SYT3: variants seen among roughly 807,000 people sequenced by gnomAD.
The protein encoded by SYT3 is synaptotagmin-3.
Under a neutral mutation model 50.6 loss-of-function variants are expected in SYT3, and 25 were observed. That is an observed-to-expected ratio of 0.49 (90% CI 0.36 to 0.69). SYT3 has a LOEUF of 0.69. SYT3 is among the 30% of genes least tolerant of loss of function. The probability of loss-of-function intolerance (pLI) is 0.00; values close to 1 mark genes in which losing one functional copy is unlikely to be tolerated. For synonymous variants in SYT3, 323 were observed against 353.9 expected (o/e 0.91, Z 0.98); for missense variants, 589 against 793.6 (o/e 0.74, Z 3.10).
chr19:50,639,803 T>TGCCGCCGCTGCCGCCGCCGCC lies in SYT3; in HGVS notation c.-188_-168dup, dbSNP rs1984619314. Reference sequence around the variant, plus strand: ...GAGCGGACTCACCCGGAGCCGCCGCTGCCGCCGCTGCCGCCGCCGCCGCCG... The same window carrying TGCCGCCGCTGCCGCCGCCGCC: ...GAGCGGACTCACCCGGAGCCGCCGCTGCCGCCGCTGCCGCCGCCGCCGCCGCCGCTGCCGCCGCCGCCGCCG... On this transcript the variant is annotated 5_prime_UTR_variant, in exon 1 of 11. Transcript: ENST00000600079. The surrounding 1 kb of genome is among the most constrained non-coding windows in gnomAD (Gnocchi z 4.6). The TGCCGCCGCTGCCGCCGCCGCC allele has an allele frequency of 4.6e-4, 3 of 6,472 alleles. No homozygotes were observed. Among genetic ancestry groups the TGCCGCCGCTGCCGCCGCCGCC allele is most frequent in the South Asian group, 3.2e-3 (2 of 626 alleles). 0.4% of individuals were successfully genotyped at this position (6,472 alleles called of 1,614,324 possible). A position where few individuals can be genotyped will look rare whatever the true frequency, so the allele number is the denominator to read the frequency against.
intron 9 of SYT3, among the ~76,000 whole-genome samples, chr19:50,623,176 C>T (rs1050369590): frequency 6.6e-6 from 1 of 151,872 alleles, no homozygotes; most frequent in African/African-American, 2.4e-5. Flanking sequence ...GACTCTGTGC[C>T]ACCAGCGTTG....
At chr19:50,644,299 G>T (rs1027117217), upstream of SYT3, among the ~76,000 whole-genome samples, 32 of 152,308 alleles carry the variant, frequency 2.1e-4, 1 homozygote, top group African/African-American at 7.7e-4. Flanking sequence ...TGAGTGAATG[G>T]CTGGATGGAT....
rs1421585576 is a variant in SYT3 at position 50,637,571 on chromosome 19, A to G, written c.-15-145T>C. ...GACAGAGATTAGGGGCAGATGGATT[A>G]GGGATGGAGATTCGAGGAAGAAGGA... On this transcript the variant is annotated intron_variant, in intron 2 of 10. Coordinates refer to ENST00000600079, the MANE Select transcript of SYT3 (RefSeq NM_001160329.2). The surrounding 1 kb of genome is among the most constrained non-coding windows in gnomAD (Gnocchi z 4.9). The G allele has an allele frequency of 4.7e-6, 3 of 638,226 alleles. No homozygotes were observed. Among genetic ancestry groups the G allele is most frequent in the Non-Finnish European group, 7.9e-6 (3 of 382,090 alleles). The allele number at this position is 638,226 out of a possible 1,614,324, so 39.5% of individuals were successfully genotyped here. A position where few individuals can be genotyped will look rare whatever the true frequency, so the allele number is the denominator to read the frequency against.
At chr19:50,656,993 AAGGG>A in the SYT3 span, among the ~76,000 whole-genome samples, 2 of 127,064 alleles carry the variant, frequency 1.6e-5, no homozygotes, top group Non-Finnish European at 3.4e-5. Context: ...GGAAGGAAGG[AAGGG>A]AGGGAGGGAA....
At chr19:50,655,068 A>C in the SYT3 span, among the ~76,000 whole-genome samples, 294 of 152,268 alleles carry the variant, frequency 1.9e-3, 3 homozygotes, top group African/African-American at 6.8e-3. Context: ...AATGACTCCA[A>C]AGTTACACCT....
Position 50,625,771 on chromosome 19 carries a change from GACCCA to G in SYT3, c.1402+121_1402+125del. ...CAGGCCCCTGGCCCCTCCTCCCTCA[GACCCA>G]GGAGTCCAGATCCCCAGCTCCTCCT... On this transcript the variant is annotated intron_variant, in intron 7 of 10. Coordinates refer to ENST00000600079, the MANE Select transcript of SYT3 (RefSeq NM_001160329.2). The surrounding 1 kb of genome is among the most constrained non-coding windows in gnomAD (Gnocchi z 7.5). 1.5e-5 allele frequency: 10 copies of G among 684,602 alleles called. 1 individual carries two copies. Among genetic ancestry groups the G allele is most frequent in the Non-Finnish European group, 2.1e-5 (9 of 422,746 alleles). 42.4% of individuals were successfully genotyped at this position (684,602 alleles called of 1,614,324 possible). A position where few individuals can be genotyped will look rare whatever the true frequency, so the allele number is the denominator to read the frequency against.
intron 9 of SYT3, chr19:50,624,928 C>A: frequency 2.5e-6 from 1 of 406,840 alleles, no homozygotes; most frequent in Non-Finnish European, 4.3e-6. Flanking sequence ...GCACATCTCA[C>A]CTCTATCCTA....
In SYT3 at chr19:50,629,790, C is replaced by G. The variant is rs768865820; in HGVS notation, c.1056G>C (p.Gln352His). 8.1e-6 allele frequency: 13 copies of G among 1,612,862 alleles called. 1 individual carries two copies. The South Asian group carries it at 1.3e-4, about 16-fold the overall frequency. The change falls in exon 5 of 11, where the codon CAG becomes CAC. Residue 352 changes from glutamine (Q) to histidine (H), a missense_variant. This residue lies in a region of SYT3 where 273 missense variants were observed against 439.3 expected (regional missense o/e 0.62). Coordinates refer to ENST00000600079, the MANE Select transcript of SYT3 (RefSeq NM_001160329.2). Reference sequence around the variant, plus strand: ...CCAGCCCGCTGCTCCGGACCTTGGTCTGAAACTTTTTCTTGCGGTCAGGCA... The same window carrying G: ...CCAGCCCGCTGCTCCGGACCTTGGTGTGAAACTTTTTCTTGCGGTCAGGCA... Reference protein sequence around the residue: ...YLLPDRKKKFQTKVHRKTLNP... With the variant: ...YLLPDRKKKFHTKVHRKTLNP...
the SYT3 span, among the ~76,000 whole-genome samples, chr19:50,651,853 C>G: frequency 6.6e-6 from 1 of 152,096 alleles, no homozygotes; most frequent in Non-Finnish European, 1.5e-5. Flanking sequence ...ACTGTTGTAA[C>G]TAGAAATAGT....
At chr19:50,623,854 A>C (rs1461097794) in intron 9 of SYT3, among the ~76,000 whole-genome samples, 1 of 152,060 alleles carries the variant, frequency 6.6e-6, no homozygotes, top group Non-Finnish European at 1.5e-5. Flanking sequence ...ATCAAAATTA[A>C]TGCAAAAAAA....
At chr19:50,653,958 T>C in the SYT3 span, among the ~76,000 whole-genome samples, 1 of 152,012 alleles carries the variant, frequency 6.6e-6, no homozygotes, top group African/African-American at 2.4e-5. Flanking sequence ...CCGTCGGCTC[T>C]GAGCTGGGAG....
chr19:50,643,265 G>C (rs554871892), upstream of SYT3, among the ~76,000 whole-genome samples: 2 of 151,910 alleles, frequency 1.3e-5, no homozygotes, highest in Admixed American at 6.6e-5. Flanking sequence ...CACCTGCTTG[G>C]GGGGAGGCTG....
intron 3 of SYT3, among the ~76,000 whole-genome samples, chr19:50,633,291 A>G (rs1199292233): frequency 2.0e-5 from 3 of 152,242 alleles, no homozygotes; most frequent in Non-Finnish European, 4.4e-5. Context: ...CAGTAGTTCT[A>G]TATGACCATT....
In SYT3 at chr19:50,630,050, G is replaced by C; in HGVS notation, c.796C>G (p.Leu266Val). Residue 266 changes from leucine to valine, a missense_variant, in exon 5 of 11, where the codon CTC becomes GTC. Physicochemically the swap from Leu to Val is conservative, Grantham distance 32. Transcript: ENST00000600079. ...PLPGGEEKAK[L>V]IGQIKPELYQ... ...AGCTCTGGCTTAATCTGCCCAATGA[G>C]TTTGGCTTTTTCCTCGCCTCCAGGC... 1 of 1,614,054 alleles carries C rather than the reference G, an allele frequency of 6.2e-7. No homozygotes were observed. Among genetic ancestry groups the C allele is most frequent in the African/African-American group, 1.3e-5 (1 of 75,054 alleles).
At chr19:50,654,930 A>G in the SYT3 span, among the ~76,000 whole-genome samples, 1 of 152,226 alleles carries the variant, frequency 6.6e-6, no homozygotes, top group East Asian at 1.9e-4. Context: ...GAGAAGATTT[A>G]GAGATAAGAG....
At position 50,625,303 on chromosome 19, in the gene SYT3, T is replaced by TG. The variant is rs35008150; in HGVS notation, c.1575-10dup. 1 of 1,532,988 alleles carries TG rather than the reference T, an allele frequency of 6.5e-7. No individual in the cohort carries two copies. The highest frequency in any genetic ancestry group is 8.8e-7 in the Non-Finnish European group (1 of 1,141,430). 95.0% of individuals were successfully genotyped at this position (1,532,988 alleles called of 1,614,324 possible). A position where few individuals can be genotyped will look rare whatever the true frequency, so the allele number is the denominator to read the frequency against. On this transcript the variant is annotated splice_polypyrimidine_tract_variant and intron_variant, in intron 8 of 10. Transcript: ENST00000600079. This position sits in a 1 kb window ranked among gnomAD's most constrained non-coding sequence, Gnocchi z 7.5. ...CCTCGTTGTGCCCGATGCTGGGGGT[T>TG]GGGGTCAGTGAGGACCGTGGAGGGT...
chr19:50,631,837 C>A (rs544179647), intron 4 of SYT3, among the ~76,000 whole-genome samples: 1 of 152,124 alleles, frequency 6.6e-6, no homozygotes, highest in South Asian at 2.1e-4. Context: ...TTTCCTAACA[C>A]CCCTCTCAGG....
At chr19:50,636,126 C>T (rs370162787) in intron 3 of SYT3, among the ~76,000 whole-genome samples, 20 of 152,136 alleles carry the variant, frequency 1.3e-4, no homozygotes, top group East Asian at 1.9e-4. Context: ...TGGTGGCAGA[C>T]GCCTGTAATC....
chr19:50,628,253 G>C (rs1984147704), intron 6 of SYT3, among the ~76,000 whole-genome samples: 1 of 152,132 alleles, frequency 6.6e-6, no homozygotes, highest in South Asian at 2.1e-4. Context: ...GTAGAGTTGA[G>C]GATCTGAGAT....
Sources: allele counts gnomAD v4.1 joint callset (sites outside exome capture counted in the v4.1 genomes callset), GRCh38; gene constraint gnomAD v4.1.1; regional missense constraint gnomAD v4.1.1; non-coding constraint Gnocchi (gnomAD v3.1); transcripts MANE v1.5; gene names NCBI Gene and HGNC (gene_info 2026-07-23, HGNC 2026-07-21).